Variants in ZFYVE28 observed in about 807,000 individuals in gnomAD.
The protein encoded by ZFYVE28 is zinc finger FYVE-type containing 28.
ZFYVE28 carries 40 observed loss-of-function variants against 82.1 expected under a neutral mutation model. The ratio of observed to expected loss-of-function variants is 0.49; its 90% CI spans 0.38 to 0.63. The LOEUF is 0.63. Among genes scored for constraint, ZFYVE28 ranks in the 30% least tolerant of loss-of-function variants. The probability of loss-of-function intolerance (pLI) is 0.00; values close to 1 mark genes in which losing one functional copy is unlikely to be tolerated. For synonymous variants in ZFYVE28, 612 were observed against 546.1 expected (o/e 1.12, Z -1.68); for missense variants, 1,321 against 1,242.1 (o/e 1.06, Z -0.96).
chr4:2,363,083 C>G (rs1296803409), intron 1 of ZFYVE28, among the ~76,000 whole-genome samples: 1 of 152,168 alleles, frequency 6.6e-6, no homozygotes, highest in African/African-American at 2.4e-5. Flanking sequence ...CTACTTCCTC[C>G]GAGACTCAGA....
chr4:2,350,695 G>C (rs926976564), intron 2 of ZFYVE28, among the ~76,000 whole-genome samples: 2 of 152,160 alleles, frequency 1.3e-5, no homozygotes, highest in African/African-American at 2.4e-5. Context: ...TCCGGGGAGG[G>C]GAGAGGCACT....
At chr4:2,321,036 C>T (rs1718998879) in intron 6 of ZFYVE28, among the ~76,000 whole-genome samples, 1 of 152,060 alleles carries the variant, frequency 6.6e-6, no homozygotes, top group Admixed American at 6.6e-5. Context: ...TGTCTCAGCC[C>T]GTCTCTCCTT....
At chr4:2,313,432 A>G (rs368017264) in intron 7 of ZFYVE28, among the ~76,000 whole-genome samples, 116 of 151,806 alleles carry the variant, frequency 7.6e-4, no homozygotes, top group African/African-American at 2.7e-3. Context: ...ATTTTTTTAC[A>G]TTTTTTGTAG....
intron 8 of ZFYVE28, among the ~76,000 whole-genome samples, chr4:2,297,948 A>G (rs1206337451): frequency 1.0e-4 from 12 of 119,124 alleles, no homozygotes; most frequent in East Asian, 2.8e-4. Flanking sequence ...GAGGACGAGC[A>G]GTGACAGTGG....
chr4:2,410,219 T>C (rs1369885095), intron 1 of ZFYVE28, among the ~76,000 whole-genome samples: 1 of 152,114 alleles, frequency 6.6e-6, no homozygotes, highest in East Asian at 1.9e-4. Flanking sequence ...CAAAACCTTT[T>C]CATCACCCCA....
chr4:2,371,839 C>G (rs1489917792), intron 1 of ZFYVE28, among the ~76,000 whole-genome samples: 1 of 152,210 alleles, frequency 6.6e-6, no homozygotes, highest in East Asian at 1.9e-4. Context: ...CAGCAAACAG[C>G]TGGCAGCCCG....
intron 6 of ZFYVE28, chr4:2,324,514 CT>C: frequency 5.4e-6 from 1 of 184,028 alleles, no homozygotes; most frequent in South Asian, 1.3e-4. Context: ...TTTGAAGGCG[CT>C]TTTGAGGTAC....
chr4:2,320,113 C>T lies in ZFYVE28; in HGVS notation c.803+57G>A, dbSNP rs1413766079. 3.2e-6 allele frequency: 5 copies of T among 1,550,060 alleles called. 1 individual carries two copies. Among genetic ancestry groups the T allele is most frequent in the Non-Finnish European group, 4.4e-6 (5 of 1,125,298 alleles). On this transcript the variant is annotated intron_variant, in intron 7 of 12. Coordinates refer to ENST00000290974, the MANE Select transcript of ZFYVE28 (RefSeq NM_020972.3). The surrounding 1 kb of genome is among the most constrained non-coding windows in gnomAD (Gnocchi z 5.1). Reference sequence around the variant, plus strand: ...GGCGGCTAAACATGACTTCAGCGCCCACCTGTGGCCCTCCTGTCCCCCTCC... The same window carrying T: ...GGCGGCTAAACATGACTTCAGCGCCTACCTGTGGCCCTCCTGTCCCCCTCC...
chr4:2,407,111 G>A (rs1447651318), intron 1 of ZFYVE28, among the ~76,000 whole-genome samples: 4 of 111,352 alleles, frequency 3.6e-5, no homozygotes, highest in East Asian at 7.4e-4. Context: ...CTCCCTCCCC[G>A]ACTCCTGGGC....
intron 6 of ZFYVE28, among the ~76,000 whole-genome samples, chr4:2,327,609 A>G (rs993091483): frequency 6.6e-6 from 1 of 151,968 alleles, no homozygotes; most frequent in Non-Finnish European, 1.5e-5. Flanking sequence ...GAAGGGATAT[A>G]TTCCTTCTAC....
At position 2,362,605 on chromosome 4, in the gene ZFYVE28, C is replaced by A. The variant is rs1157985740; in HGVS notation, c.40-8532G>T. Among the ~76,000 whole-genome samples, 4 of 152,148 alleles carry A rather than the reference C, an allele frequency of 2.6e-5. No homozygotes were observed. The highest frequency in any genetic ancestry group is 5.9e-5 in the Non-Finnish European group (4 of 68,012). On this transcript the variant is annotated intron_variant, in intron 1 of 12. Coordinates refer to ENST00000290974, the MANE Select transcript of ZFYVE28 (RefSeq NM_020972.3). This position sits in a 1 kb window ranked among gnomAD's most constrained non-coding sequence, Gnocchi z 5.1. ...CAAGGCAGGCCTCATCCACAGCAGA[C>A]ACCCCAGGGGCTGCCAGGCTGGGGG...
intron 7 of ZFYVE28, 65 bp from the exon 8 acceptor site, chr4:2,305,601 A>G (rs542691057): frequency 1.2e-5 from 19 of 1,589,402 alleles, no homozygotes; most frequent in Non-Finnish European, 1.5e-5. Flanking sequence ...CTTGGCCAGG[A>G]GTGGACGCAG....
intron 3 of ZFYVE28, among the ~76,000 whole-genome samples, chr4:2,340,762 C>G (rs1421340289): frequency 6.6e-6 from 1 of 152,116 alleles, no homozygotes; most frequent in Non-Finnish European, 1.5e-5. Context: ...CAAGCCTCGG[C>G]AGAGGACACC....
rs756927770 is a variant in ZFYVE28 at position 2,409,288 on chromosome 4, C to G, written c.39+8997G>C. Among the ~76,000 whole-genome samples, 1 of 151,830 alleles carries G rather than the reference C, an allele frequency of 6.6e-6. No individual in the cohort carries two copies. The highest frequency in any genetic ancestry group is 1.5e-5 in the Non-Finnish European group (1 of 67,944). ...ATCTACTTTCTCCATCCAGAGTCGC[C>G]TGCTGCCATCCTCTCGCTGGAATCC... is the stretch of plus-strand genomic sequence containing the variant. On this transcript the variant is annotated intron_variant, in intron 1 of 12. Transcript: ENST00000290974. The surrounding 1 kb of genome is among the most constrained non-coding windows in gnomAD (Gnocchi z 4.4).
chr4:2,279,368 T>C (rs1460857874), intron 8 of ZFYVE28, among the ~76,000 whole-genome samples: 1 of 151,916 alleles, frequency 6.6e-6, no homozygotes, highest in African/African-American at 2.4e-5. Context: ...GAGGCAGAGG[T>C]TGCAGTGAGC....
intron 1 of ZFYVE28, among the ~76,000 whole-genome samples, chr4:2,380,944 A>G (rs1465589618): frequency 6.6e-6 from 1 of 152,212 alleles, no homozygotes; most frequent in Admixed American, 6.5e-5. Context: ...GTACCAGTAC[A>G]GTGGGGTATT....
Position 2,304,482 on chromosome 4 carries a change from C to T in ZFYVE28, c.1858G>A (p.Ala620Thr), listed in dbSNP as rs756049841. ...GCTTTGGGCTCCCGCCCGTTGGAGG[C>T]ATCTTCTGAGGGTGGGGGCGCCTCC... ...QEEAPPPSED[A>T]SNGREPKAPT... The change falls in exon 8 of 13, where the codon GCC (alanine) becomes ACC (threonine). Residue 620 changes from alanine (A) to threonine (T), a missense_variant. By Grantham distance (58) the Ala-to-Thr change is moderately conservative. Around this residue, in one of 2 missense-constraint regions of ZFYVE28, gnomAD observed 978 missense variants for 833.7 expected, o/e 1.17. Transcript: ENST00000290974. 1.2e-6 allele frequency: 2 copies of T among 1,613,142 alleles called. No homozygotes were observed. The highest frequency in any genetic ancestry group is 1.7e-6 in the Non-Finnish European group (2 of 1,179,742).
At chr4:2,318,493 A>G (rs1162433528) in intron 7 of ZFYVE28, among the ~76,000 whole-genome samples, 7 of 152,134 alleles carry the variant, frequency 4.6e-5, no homozygotes, top group Admixed American at 4.6e-4. Context: ...GGAGGCGGAG[A>G]CTGCAGTGAG....
intron 1 of ZFYVE28, among the ~76,000 whole-genome samples, chr4:2,391,572 C>T (rs1354947406): frequency 6.6e-6 from 1 of 150,538 alleles, no homozygotes; most frequent in African/African-American, 2.4e-5. Context: ...GTTGTACCAC[C>T]ATCCCCACCA....
Sources: gnomAD v4.1 joint callset for allele counts (sites outside exome capture counted in the v4.1 genomes callset) on GRCh38, gnomAD v4.1.1 for gene constraint, gnomAD v4.1.1 regional missense constraint, Gnocchi (gnomAD v3.1) non-coding constraint, MANE v1.5 for transcripts, NCBI Gene and HGNC (gene_info 2026-07-23, HGNC 2026-07-21) for gene names.